DNAAF11: variants seen among roughly 807,000 people sequenced by gnomAD.
DNAAF11 encodes the protein dynein axonemal assembly factor 11.
Under a neutral mutation model 60.8 loss-of-function variants are expected in DNAAF11, and 45 were observed. That is an observed-to-expected ratio of 0.74 (90% CI 0.58 to 0.95). The LOEUF is 0.95. Among genes scored for constraint, DNAAF11 ranks in the 40% least tolerant of loss-of-function variants. DNAAF11 has a pLI of 0.00. For synonymous variants in DNAAF11, 191 were observed against 183.5 expected, an observed-to-expected ratio of 1.04 and a Z score of -0.33; for missense variants, 546 against 546.2, an observed-to-expected ratio of 1.00 and a Z score of 0.00.
intron 10 of DNAAF11, among the ~76,000 whole-genome samples, chr8:132,597,472 G>A (rs1413882914): frequency 1.3e-5 from 2 of 152,182 alleles, no homozygotes; most frequent in Non-Finnish European, 2.9e-5. Flanking sequence ...TGAGCAGCTA[G>A]GGCCTGACCT....
chr8:132,616,279 G>A (rs542194170), intron 7 of DNAAF11, among the ~76,000 whole-genome samples: 3 of 152,204 alleles, frequency 2.0e-5, no homozygotes, highest in Admixed American at 2.0e-4. Flanking sequence ...CACTTTCTAA[G>A]AATGTCCCTT....
intron 4 of DNAAF11, among the ~76,000 whole-genome samples, chr8:132,633,518 C>T (rs1821007974): frequency 6.6e-6 from 1 of 152,098 alleles, no homozygotes; most frequent in Non-Finnish European, 1.5e-5. Context: ...TTAAAGCTAA[C>T]AGTTTAAAGA....
At chr8:132,614,452 G>A in intron 8 of DNAAF11, among the ~76,000 whole-genome samples, 1 of 152,224 alleles carries the variant, frequency 6.6e-6, no homozygotes, top group Admixed American at 6.5e-5. Context: ...AGAAGAAGGG[G>A]ATACAGGCTG....
chr8:132,655,508 T>C (rs997463223), intron 3 of DNAAF11, among the ~76,000 whole-genome samples: 1 of 152,092 alleles, frequency 6.6e-6, no homozygotes, highest in African/African-American at 2.4e-5. Context: ...GCCACCATCA[T>C]GAAAGTTGAA....
At chr8:132,601,804 G>T (rs569869402) in intron 10 of DNAAF11, among the ~76,000 whole-genome samples, 75 of 152,222 alleles carry the variant, frequency 4.9e-4, no homozygotes, top group African/African-American at 1.8e-3. Flanking sequence ...GATAGCATTA[G>T]GAGATATACC....
At chr8:132,652,297 C>T (rs1343718908) in intron 3 of DNAAF11, among the ~76,000 whole-genome samples, 4 of 152,196 alleles carry the variant, frequency 2.6e-5, no homozygotes, top group Non-Finnish European at 5.9e-5. Flanking sequence ...GAATAAGTCA[C>T]ACAAGCCACC....
chr8:132,690,454 C>T, the DNAAF11 span, among the ~76,000 whole-genome samples: 1 of 152,176 alleles, frequency 6.6e-6, no homozygotes, highest in Non-Finnish European at 1.5e-5. Flanking sequence ...CCTTGCCGAA[C>T]AGTGAGTCAA....
At chr8:132,652,911 G>C (rs577764122) in intron 3 of DNAAF11, among the ~76,000 whole-genome samples, 74 of 152,132 alleles carry the variant, frequency 4.9e-4, no homozygotes, top group African/African-American at 1.8e-3. Context: ...TGCATGTTCT[G>C]CGCATGTACC....
chr8:132,675,585 T>G (rs1026083530), upstream of DNAAF11: 6 of 1,354,362 alleles, frequency 4.4e-6, no homozygotes, highest in Admixed American at 1.5e-4. Flanking sequence ...CGCGTCCCCG[T>G]CGGAATTCAG....
intron 1 of DNAAF11, among the ~76,000 whole-genome samples, chr8:132,666,025 A>G (rs1289751699): frequency 6.6e-6 from 1 of 152,232 alleles, no homozygotes; most frequent in East Asian, 1.9e-4. Flanking sequence ...GTTCTCACTT[A>G]TAAGTGGGAG....
intron 2 of DNAAF11, among the ~76,000 whole-genome samples, chr8:132,659,457 C>T (rs115200717): frequency 0.012 from 1,772 of 152,218 alleles, 40 homozygotes; most frequent in African/African-American, 0.041. Flanking sequence ...GACCGAAATA[C>T]CATGCTCCTA....
At chr8:132,656,047 AAGG>A (rs1229602501) in intron 3 of DNAAF11, among the ~76,000 whole-genome samples, 1 of 152,208 alleles carries the variant, frequency 6.6e-6, no homozygotes, top group Admixed American at 6.5e-5. Flanking sequence ...TAAAATGTAG[AAGG>A]AGGCTTACTG....
chr8:132,583,765 G>A lies in DNAAF11; in HGVS notation c.1155C>T (p.Ile385=), dbSNP rs930284771. 6.2e-6 allele frequency: 10 copies of A among 1,612,782 alleles called. 1 individual carries two copies. Among genetic ancestry groups the A allele is most frequent in the Middle Eastern group, 3.3e-4 (2 of 6,056 alleles). The change falls in exon 11 of 12, where the codon ATC becomes ATT. Residue 385 remains isoleucine (I), a synonymous_variant. Coordinates refer to ENST00000620350, the MANE Select transcript of DNAAF11 (RefSeq NM_012472.6). ...VICMPKVGEV[I]TGGQRAFKSM... ...ATTTGAATGCTCGCTGACCACCTGT[G>A]ATTACTTCTCCTACCTAAAATAAAA... is the stretch of plus-strand genomic sequence containing the variant.
At chr8:132,666,990 G>A (rs1411890761) in intron 1 of DNAAF11, among the ~76,000 whole-genome samples, 1 of 152,172 alleles carries the variant, frequency 6.6e-6, no homozygotes, top group Non-Finnish European at 1.5e-5. Context: ...GAAGGAGAGA[G>A]GCCATAGAAG....
upstream of DNAAF11, among the ~76,000 whole-genome samples, chr8:132,678,767 TTTA>T (rs147262182): frequency 0.012 from 1,767 of 148,520 alleles, 12 homozygotes; most frequent in Middle Eastern, 0.035. Flanking sequence ...AAATTTATAA[TTTA>T]TTAATATTTA....
rs199568507 is a variant in DNAAF11 at position 132,675,471 on chromosome 8, G to A, written c.10+13C>T. On this transcript the variant is annotated intron_variant, in intron 1 of 11. Coordinates refer to ENST00000620350, the MANE Select transcript of DNAAF11 (RefSeq NM_012472.6). ...GGGGAACGATCGAGGACGGAAGGTG[G>A]AGGGGGGCTTACTCCAGCCCATGGC... is the stretch of plus-strand genomic sequence containing the variant. 7.7e-6 allele frequency: 12 copies of A among 1,565,526 alleles called. No homozygotes were observed. The highest frequency in any genetic ancestry group is 1.7e-4 in the Middle Eastern group (1 of 5,876).
intron 10 of DNAAF11, among the ~76,000 whole-genome samples, chr8:132,607,292 G>C (rs116978333): frequency 2.0e-5 from 3 of 152,302 alleles, no homozygotes; most frequent in East Asian, 1.9e-4. Flanking sequence ...AGTGACAACT[G>C]ACTTTCTGGG....
chr8:132,576,439 A>G (rs1010095256), intron 11 of DNAAF11, among the ~76,000 whole-genome samples: 7 of 152,230 alleles, frequency 4.6e-5, no homozygotes, highest in Non-Finnish European at 1.0e-4. Context: ...AAGAGATGTT[A>G]TATAATCATT....
the DNAAF11 span, among the ~76,000 whole-genome samples, chr8:132,684,453 T>A: frequency 6.6e-6 from 1 of 152,214 alleles, no homozygotes; most frequent in Non-Finnish European, 1.5e-5. Flanking sequence ...GACTGATTGA[T>A]AGTCCATGTA....
Sources: gnomAD v4.1 joint callset for allele counts (sites outside exome capture counted in the v4.1 genomes callset) on GRCh38, gnomAD v4.1.1 for gene constraint, MANE v1.5 for transcripts, NCBI Gene and HGNC (gene_info 2026-07-23, HGNC 2026-07-21) for gene names.